Variants in ESRRB observed in about 807,000 individuals in gnomAD.
The protein encoded by ESRRB is estrogen related receptor beta.
A neutral mutation model predicts 46.0 loss-of-function variants in ESRRB; 16 were observed. The observed-to-expected ratio is 0.35, with a 90% confidence interval of 0.24 to 0.53. The LOEUF (loss-of-function observed/expected upper bound fraction) is 0.53, where lower values mean the gene tolerates loss of function less well. Among genes scored for constraint, ESRRB ranks in the 20% least tolerant of loss-of-function variants. The pLI is 0.93. For synonymous variants in ESRRB, 246 were observed against 259.6 expected (o/e 0.95, Z 0.50); for missense variants, 488 against 607.4 (o/e 0.80, Z 2.07).
At chr14:76,313,890 T>C (rs571748925) in intron 1 of ESRRB, among the ~76,000 whole-genome samples, 10 of 152,348 alleles carry the variant, frequency 6.6e-5, no homozygotes, top group Admixed American at 4.6e-4. Flanking sequence ...TGGGTAGTTA[T>C]GTTAATCTAA....
chr14:76,462,835 C>G (rs956841127), intron 3 of ESRRB, among the ~76,000 whole-genome samples, 174 bp downstream of exon 3: 5 of 152,164 alleles, frequency 3.3e-5, no homozygotes, highest in African/African-American at 9.7e-5. Flanking sequence ...TGGCTCTCCT[C>G]CTTTAGGGAG....
chr14:76,332,812 TTA>T lies in ESRRB; in HGVS notation c.2+21902_2+21903del, dbSNP rs1441177479. Among the ~76,000 whole-genome samples the T allele has an allele frequency of 4.7e-4, 12 of 25,720 alleles. 1 individual carries two copies. The highest frequency in any genetic ancestry group is 1.6e-3 in the African/African-American group (12 of 7,352). The allele number at this position is 25,720 out of a possible 152,430, so 16.9% of individuals were successfully genotyped here. A position where few individuals can be genotyped will look rare whatever the true frequency, so the allele number is the denominator to read the frequency against. ...TATAAATATATAATATATTTATATA[TTA>T]TATATTTATATATTTATATATTATA... On this transcript the variant is annotated intron_variant, in intron 1 of 6. Transcript: ENST00000512784.
At position 76,501,210 on chromosome 14, in the gene ESRRB, C is replaced by T. The variant is rs1174661384; in HGVS notation, c.*2752C>T. On this transcript the variant is annotated 3_prime_UTR_variant, in exon 7 of 7. Coordinates refer to ENST00000644823, the MANE Select transcript of ESRRB (RefSeq NM_001379180.1). ...ATGATACAGGTCATTTGAAATGAAC[C>T]AAGAAATAAAACATGAAAATCCAAC... 6.3e-6 allele frequency: 1 copy of T among 158,068 alleles called. No homozygotes were observed. The highest frequency in any genetic ancestry group is 1.4e-5 in the Non-Finnish European group (1 of 71,604). 9.8% of individuals were successfully genotyped at this position (158,068 alleles called of 1,614,324 possible).
chr14:76,486,526 G>T (rs1225687463), intron 5 of ESRRB, among the ~76,000 whole-genome samples: 1 of 151,898 alleles, frequency 6.6e-6, no homozygotes, highest in African/African-American at 2.4e-5. Flanking sequence ...TAAATTAACA[G>T]ATTATGAACT....
intron 5 of ESRRB, among the ~76,000 whole-genome samples, chr14:76,491,202 T>C (rs1349221286): frequency 1.3e-5 from 2 of 152,218 alleles, no homozygotes; most frequent in Admixed American, 1.3e-4. Flanking sequence ...TAACAACAAC[T>C]GTCAACATTG....
chr14:76,392,820 C>T (rs1301146108), intron 1 of ESRRB, among the ~76,000 whole-genome samples: 1 of 152,204 alleles, frequency 6.6e-6, no homozygotes, highest in Non-Finnish European at 1.5e-5. Context: ...GAAGTGCTTC[C>T]ATTTGCCAAG....
chr14:76,367,545 C>G (rs12892786), upstream of ESRRB, among the ~76,000 whole-genome samples: 1 of 104,878 alleles, frequency 9.5e-6, no homozygotes. Flanking sequence ...TGACAGGGGG[C>G]GATCCTGTCT....
chr14:76,382,655 C>A (rs566396443), intron 1 of ESRRB, among the ~76,000 whole-genome samples: 1 of 152,264 alleles, frequency 6.6e-6, no homozygotes, highest in Non-Finnish European at 1.5e-5. Flanking sequence ...GGGATGTTCA[C>A]TATGGAGTTG....
intron 1 of ESRRB, among the ~76,000 whole-genome samples, chr14:76,414,989 G>C (rs1886636209): frequency 6.6e-6 from 1 of 152,212 alleles, no homozygotes. Flanking sequence ...CTACACCTGA[G>C]TGCCCCCAGC....
chr14:76,341,357 C>A (rs1884189979), intron 1 of ESRRB, among the ~76,000 whole-genome samples: 1 of 152,236 alleles, frequency 6.6e-6, no homozygotes, highest in Non-Finnish European at 1.5e-5. Context: ...TTCAGAGATA[C>A]CTCAACATTC....
chr14:76,331,013 G>A (rs1214512675), intron 1 of ESRRB, among the ~76,000 whole-genome samples: 4 of 152,110 alleles, frequency 2.6e-5, no homozygotes, highest in African/African-American at 7.2e-5. Flanking sequence ...GTAAGCCCTC[G>A]GTTTCTGGGG....
At position 76,437,193 on chromosome 14, in the gene ESRRB, G is replaced by A. The variant is rs371937125; in HGVS notation, c.51-2148G>A. On this transcript the variant is annotated intron_variant, in intron 1 of 6. Transcript: ENST00000644823. ...ACTACAGGCCGGCGCCACCATGCCC[G>A]GATAATTTTTGTATTTTTTGTAGAG... 5.0e-4 allele frequency among the ~76,000 whole-genome samples: 76 copies of A among 152,154 alleles called. 1 individual carries two copies. The East Asian group carries it at 5.2e-3, about 10-fold the overall frequency.
intron 1 of ESRRB, among the ~76,000 whole-genome samples, chr14:76,327,536 C>T (rs1883949911): frequency 6.6e-6 from 1 of 152,140 alleles, no homozygotes; most frequent in South Asian, 2.1e-4. Context: ...ACTGCGCTCT[C>T]TCCTGTCTTC....
At chr14:76,382,894 A>G (rs1349015412) in intron 1 of ESRRB, among the ~76,000 whole-genome samples, 1 of 152,174 alleles carries the variant, frequency 6.6e-6, no homozygotes, top group African/African-American at 2.4e-5. Context: ...TACTCTATTC[A>G]ATATTGTCAT....
chr14:76,439,085 G>A (rs1887797300), intron 1 of ESRRB, among the ~76,000 whole-genome samples: 1 of 152,058 alleles, frequency 6.6e-6, no homozygotes, highest in Non-Finnish European at 1.5e-5. Flanking sequence ...TTACAGGTGT[G>A]AGCCACCACA....
chr14:76,319,370 C>T (rs1161535380), intron 1 of ESRRB, among the ~76,000 whole-genome samples: 2 of 152,172 alleles, frequency 1.3e-5, no homozygotes, highest in Admixed American at 6.5e-5. Context: ...TTTCAAGGGA[C>T]TTGGAGAACT....
At chr14:76,318,654 C>T (rs751743878) in intron 1 of ESRRB, among the ~76,000 whole-genome samples, 3 of 152,144 alleles carry the variant, frequency 2.0e-5, no homozygotes, top group African/African-American at 7.2e-5. Context: ...TGAGTTGTTG[C>T]GAGAATTAAA....
intron 1 of ESRRB, among the ~76,000 whole-genome samples, chr14:76,315,980 T>C (rs1167726860): frequency 6.6e-6 from 1 of 152,168 alleles, no homozygotes; most frequent in Non-Finnish European, 1.5e-5. Context: ...AGTGAGCACT[T>C]TTGTTCTTGG....
intron 2 of ESRRB, among the ~76,000 whole-genome samples, chr14:76,461,845 C>A (rs1206452889): frequency 6.6e-6 from 1 of 152,172 alleles, no homozygotes; most frequent in Non-Finnish European, 1.5e-5. Flanking sequence ...AAAGGAGTGG[C>A]CTGAAAAATT....
Sources: gnomAD v4.1 joint callset for allele counts (sites outside exome capture counted in the v4.1 genomes callset) on GRCh38, gnomAD v4.1.1 for gene constraint, MANE v1.5 for transcripts, NCBI Gene and HGNC (gene_info 2026-07-23, HGNC 2026-07-21) for gene names.